Variants in CD180 observed in about 807,000 individuals in gnomAD.
The protein encoded by CD180 is CD180 molecule.
CD180 carries 11 observed loss-of-function variants against 10.7 expected under a neutral mutation model. The ratio of observed to expected loss-of-function variants is 1.03; its 90% CI spans 0.65 to 1.70. CD180 has a LOEUF of 1.70. Among genes scored for constraint, CD180 ranks in the 40% most tolerant of loss-of-function variants. The pLI is 0.00. For synonymous variants in CD180, 286 were observed against 294.6 expected (o/e 0.97, Z 0.30); for missense variants, 729 against 775.2 (o/e 0.94, Z 0.71).
At position 67,183,935 on chromosome 5, in the gene CD180, A is replaced by C; in HGVS notation, c.908T>G (p.Leu303Trp). ...TFQCFTQLQE[L>W]DLTATHLKGL... ...TTTCAAGTGAGTTGCTGTCAGATCCAATTCTTGGAGTTGGGTGAAGCACTG... is the reference window on the plus strand; with the variant it reads ...TTTCAAGTGAGTTGCTGTCAGATCCCATTCTTGGAGTTGGGTGAAGCACTG... Residue 303 changes from leucine to tryptophan, a missense_variant, in exon 3 of 3, where the codon TTG (leucine) becomes TGG (tryptophan). Physicochemically the swap from Leu to Trp is moderately conservative, Grantham distance 61. Transcript: ENST00000256447. 1 of 1,614,218 alleles carries C rather than the reference A, an allele frequency of 6.2e-7. No individual in the cohort carries two copies. Among genetic ancestry groups the C allele is most frequent in the Non-Finnish European group, 8.5e-7 (1 of 1,180,036 alleles).
chr5:67,188,537 C>G (rs1271568074), intron 1 of CD180, among the ~76,000 whole-genome samples: 1 of 152,092 alleles, frequency 6.6e-6, no homozygotes, highest in African/African-American at 2.4e-5. Context: ...CCCACTGAGA[C>G]TTCCCTAGGC....
chr5:67,192,193 A>G (rs1421402038), intron 1 of CD180, among the ~76,000 whole-genome samples: 4 of 152,146 alleles, frequency 2.6e-5, no homozygotes, highest in African/African-American at 9.7e-5. Context: ...GATCGAGACC[A>G]TCCTGGCTGA....
chr5:67,184,557 T>C lies in CD180; in HGVS notation c.286A>G (p.Thr96Ala). Residue 96 changes from threonine to alanine, a missense_variant, in exon 3 of 3, where the codon ACT becomes GCT. Coordinates refer to ENST00000256447, the MANE Select transcript of CD180 (RefSeq NM_005582.3). ...RCQINWIHED[T>A]FQSHHQLSTL... Reference sequence around the variant, plus strand: ...CTTAATTGATGATGGCTTTGAAAAGTGTCTTCATGTATCCAGTTAATCTGG... The same window carrying C: ...CTTAATTGATGATGGCTTTGAAAAGCGTCTTCATGTATCCAGTTAATCTGG... 6.3e-7 allele frequency: 1 copy of C among 1,599,754 alleles called. No homozygotes were observed. Among genetic ancestry groups the C allele is most frequent in the Non-Finnish European group, 8.6e-7 (1 of 1,167,830 alleles).
chr5:67,186,304 A>C (rs967993813), intron 1 of CD180: 6 of 206,376 alleles, frequency 2.9e-5, no homozygotes, highest in East Asian at 1.1e-4. Flanking sequence ...AATAAAAAAA[A>C]CCCTCCATAT....
At position 67,196,509 on chromosome 5, in the gene CD180, TCAGA is replaced by T. The variant is rs761352980; in HGVS notation, c.90+39_90+42del. Reference sequence around the variant, plus strand: ...GACTGCGTGCTAAATCTCAAAATTTTCAGACAGTTTAATCTGCATAAAGACAAAC... The same window carrying T: ...GACTGCGTGCTAAATCTCAAAATTTTCAGTTTAATCTGCATAAAGACAAAC... On this transcript the variant is annotated intron_variant, in intron 1 of 2. Coordinates refer to ENST00000256447, the MANE Select transcript of CD180 (RefSeq NM_005582.3). The T allele has an allele frequency of 5.6e-6, 9 of 1,606,984 alleles. No individual in the cohort carries two copies. The East Asian group carries it at 1.6e-4, about 28-fold the overall frequency.
intron 2 of CD180, among the ~76,000 whole-genome samples, chr5:67,185,496 T>C (rs1742175502): frequency 6.6e-6 from 1 of 152,196 alleles, no homozygotes; most frequent in Non-Finnish European, 1.5e-5. Flanking sequence ...GCTTTTCTCC[T>C]AGAAATTTTT....
chr5:67,188,771 C>G (rs1742248891), intron 1 of CD180, among the ~76,000 whole-genome samples: 1 of 152,200 alleles, frequency 6.6e-6, no homozygotes, highest in Admixed American at 6.5e-5. Flanking sequence ...CAGAAAGTCA[C>G]CAGTTTTCTT....
intron 1 of CD180, chr5:67,191,019 T>C (rs1302768958): frequency 1.0e-6 from 1 of 985,220 alleles, no homozygotes; most frequent in Non-Finnish European, 1.2e-6. Flanking sequence ...CCTCCAACGC[T>C]TCCTCATTAA....
At position 67,183,277 on chromosome 5, in the gene CD180, C is replaced by T. The variant is rs1458246911; in HGVS notation, c.1566G>A (p.Met522Ile). The change falls in exon 3 of 3, where the codon ATG (methionine) becomes ATA (isoleucine). Residue 522 changes from methionine to isoleucine, a missense_variant. Physicochemically the swap from Met to Ile is conservative, Grantham distance 10. Transcript: ENST00000256447. ...TGTTGTGGCTTAAGTCTACATGGCTCATTTTTCCCAAGCTGTGGAATGCTT... is the reference window on the plus strand; with the variant it reads ...TGTTGTGGCTTAAGTCTACATGGCTTATTTTTCCCAAGCTGTGGAATGCTT... The part of the protein sequence containing the change: ...DQQAFHSLGK[M>I]SHVDLSHNSL... The T allele has an allele frequency of 4.3e-6, 7 of 1,614,022 alleles. No individual in the cohort carries two copies. The highest frequency in any genetic ancestry group is 2.2e-5 in the South Asian group (2 of 91,068).
At position 67,184,205 on chromosome 5, in the gene CD180, C is replaced by A. The variant is rs768266281; in HGVS notation, c.638G>T (p.Gly213Val). Residue 213 changes from glycine to valine, a missense_variant, in exon 3 of 3, where the codon GGT becomes GTT. Gly to Val is a moderately radical substitution (Grantham distance 109). Coordinates refer to ENST00000256447, the MANE Select transcript of CD180 (RefSeq NM_005582.3). ...SLNFNGNNVK[G>V]IELGAFDSTI... Reference sequence around the variant, plus strand: ...TGAATCAAAAGCCCCAAGCTCAATACCTTTAACATTATTGCCATTGAAGTT... The same window carrying A: ...TGAATCAAAAGCCCCAAGCTCAATAACTTTAACATTATTGCCATTGAAGTT... 2.5e-6 allele frequency: 4 copies of A among 1,614,140 alleles called. No homozygotes were observed. The highest frequency in any genetic ancestry group is 3.4e-6 in the Non-Finnish European group (4 of 1,180,032).
In CD180 at chr5:67,184,035, C is replaced by G; in HGVS notation, c.808G>C (p.Gly270Arg). The G allele has an allele frequency of 1.9e-6, 3 of 1,614,090 alleles. No individual in the cohort carries two copies. The highest frequency in any genetic ancestry group is 2.5e-6 in the Non-Finnish European group (3 of 1,179,992). The change falls in exon 3 of 3, where the codon GGA becomes CGA. Residue 270 changes from glycine to arginine, a missense_variant. By Grantham distance (125) the Gly-to-Arg change is moderately radical (BLOSUM62 -2). Coordinates refer to ENST00000256447, the MANE Select transcript of CD180 (RefSeq NM_005582.3). ...CTCTCAACAGACATTTCACAGAGTC[C>G]CTTGAGCATGGCTGAACTAATATCT... is the stretch of plus-strand genomic sequence containing the variant. Reference protein sequence around the residue: ...DEDISSAMLKGLCEMSVESLN... With the variant: ...DEDISSAMLKRLCEMSVESLN...
At chr5:67,189,521 G>A (rs1051416820) in intron 1 of CD180, among the ~76,000 whole-genome samples, 7 of 152,212 alleles carry the variant, frequency 4.6e-5, no homozygotes, top group Admixed American at 3.3e-4. Context: ...CTGTGCCTTT[G>A]ATTTCTAGGA....
intron 1 of CD180, chr5:67,190,842 C>G: frequency 1.2e-4 from 79 of 676,206 alleles, no homozygotes; most frequent in Non-Finnish European, 1.3e-4. Context: ...GTATATCTAA[C>G]TCCCTCTCAT....
intron 1 of CD180, among the ~76,000 whole-genome samples, chr5:67,195,858 G>C (rs1742391465): frequency 7.9e-5 from 12 of 152,128 alleles, no homozygotes. Context: ...CAGGCCACGT[G>C]GTATTGATCA....
chr5:67,186,097 T>A, intron 1 of CD180, 80 bp from the exon 2 acceptor site: 1 of 914,562 alleles, frequency 1.1e-6, no homozygotes, highest in Non-Finnish European at 1.6e-6. Flanking sequence ...ATGTTTTACC[T>A]TCCGAGCGGC....
At chr5:67,191,711 A>G (rs1742308239) in intron 1 of CD180, among the ~76,000 whole-genome samples, 2 of 152,230 alleles carry the variant, frequency 1.3e-5, no homozygotes, top group Middle Eastern at 3.2e-3. Context: ...TTTTTGCTTA[A>G]GTCACACATA....
In CD180 at chr5:67,194,237, C is replaced by T. The variant is rs565717937; in HGVS notation, c.90+2315G>A. ...TTTTTAAAACTAAAGAAAGGTCACC[C>T]GTTAGGATTATGAGAGGGGCTTGAA... On this transcript the variant is annotated intron_variant, in intron 1 of 2. Transcript: ENST00000256447. 3.9e-5 allele frequency among the ~76,000 whole-genome samples: 6 copies of T among 152,268 alleles called. No homozygotes were observed. In the East Asian group the frequency reaches 7.7e-4, roughly 20 times the overall value.
In CD180 at chr5:67,183,555, T is replaced by A; in HGVS notation, c.1288A>T (p.Thr430Ser). The A allele has an allele frequency of 6.2e-7, 1 of 1,614,134 alleles. No homozygotes were observed. Among genetic ancestry groups the A allele is most frequent in the Non-Finnish European group, 8.5e-7 (1 of 1,180,028 alleles). The change falls in exon 3 of 3, where the codon ACC (threonine) becomes TCC (serine). Residue 430 changes from threonine to serine, a missense_variant. Coordinates refer to ENST00000256447, the MANE Select transcript of CD180 (RefSeq NM_005582.3). ...PQLELLDLAFTRLHINAPQSP... is the reference protein window; with the variant it reads ...PQLELLDLAFSRLHINAPQSP... ...TGTGGAGCATTAATGTGTAAGCGGG[T>A]AAATGCCAAATCGAGGAGTTCTAGC...
At chr5:67,189,947 C>A (rs1205978855) in intron 1 of CD180, among the ~76,000 whole-genome samples, 1 of 152,060 alleles carries the variant, frequency 6.6e-6, no homozygotes, top group Admixed American at 6.6e-5. Context: ...TGTAATTATC[C>A]AACATACTGT....
Sources: gnomAD v4.1 joint callset for allele counts (sites outside exome capture counted in the v4.1 genomes callset) on GRCh38, gnomAD v4.1.1 for gene constraint, MANE v1.5 for transcripts, NCBI Gene and HGNC (gene_info 2026-07-23, HGNC 2026-07-21) for gene names.